MAOA: variants seen among roughly 807,000 people sequenced by gnomAD.
MAOA encodes amine oxidase [flavin-containing] A.
MAOA carries 6 observed loss-of-function variants against 42.0 expected under a neutral mutation model. The ratio of observed to expected loss-of-function variants is 0.14; its 90% CI spans 0.08 to 0.28. MAOA has a LOEUF of 0.28. Among genes scored for constraint, MAOA ranks in the 10% least tolerant of loss-of-function variants. The pLI, the probability that MAOA is intolerant of heterozygous loss-of-function variation, is 1.00. For synonymous variants in MAOA, 140 were observed against 154.0 expected (o/e 0.91, Z 0.67); for missense variants, 262 against 422.3 (o/e 0.62, Z 3.33).
At chrX:43,713,776 T>C (rs753958729) in intron 5 of MAOA, among the ~76,000 whole-genome samples, 2 of 111,972 alleles carry the variant, frequency 1.8e-5, no homozygotes, top group African/African-American at 6.5e-5. Context: ...CAGGAAGCAT[T>C]CTTTGATGAA....
intron 1 of MAOA, among the ~76,000 whole-genome samples, chrX:43,671,591 C>G (rs1488463099): frequency 9.6e-6 from 1 of 104,631 alleles, no homozygotes; most frequent in African/African-American, 3.5e-5. Context: ...ACGTTTAAGT[C>G]TTTAATCCAT....
chrX:43,680,484 A>G (rs962041425), intron 1 of MAOA, among the ~76,000 whole-genome samples: 18 of 111,466 alleles, frequency 1.6e-4, no homozygotes, highest in African/African-American at 5.9e-4. Flanking sequence ...CCTAAGTATC[A>G]GATACAGAGG....
rs2033360046 is a variant in MAOA at position 43,673,733 on chromosome X, A to C, written c.74-9780A>C. ...GTAGTCATTCAGGAGCAGGTTGTTC[A>C]GTTTCCATGTACTTGAGTGGTTTTG... On this transcript the variant is annotated intron_variant, in intron 1 of 14. Coordinates refer to ENST00000338702, the MANE Select transcript of MAOA (RefSeq NM_000240.4). 2.7e-5 allele frequency among the ~76,000 whole-genome samples: 3 copies of C among 111,779 alleles called. No homozygotes were observed. In the South Asian group the frequency reaches 1.1e-3, roughly 41 times the overall value.
At chrX:43,687,068 A>G (rs1165736403) in intron 2 of MAOA, among the ~76,000 whole-genome samples, 2 of 111,317 alleles carry the variant, frequency 1.8e-5, no homozygotes, top group Non-Finnish European at 3.8e-5. Context: ...AGTCAAATTA[A>G]TAAAGTTGAA....
chrX:43,736,664 CT>C (rs1388265222), intron 10 of MAOA, among the ~76,000 whole-genome samples: 4 of 111,776 alleles, frequency 3.6e-5, no homozygotes, highest in African/African-American at 1.3e-4. Context: ...CCTGTAGCAA[CT>C]TTTGTACATG....
intron 5 of MAOA, among the ~76,000 whole-genome samples, chrX:43,713,308 G>C (rs1308478593): frequency 9.0e-6 from 1 of 111,018 alleles, no homozygotes; most frequent in Non-Finnish European, 1.9e-5. Flanking sequence ...GCAGGGAGGG[G>C]AACAACACAC....
At chrX:43,713,915 A>T (rs1381163612) in intron 5 of MAOA, among the ~76,000 whole-genome samples, 1 of 111,343 alleles carries the variant, frequency 9.0e-6, no homozygotes, top group Non-Finnish European at 1.9e-5. Context: ...CAGGGACAGG[A>T]GAGAGAAAGG....
intron 5 of MAOA, among the ~76,000 whole-genome samples, chrX:43,724,608 C>A (rs1045698550): frequency 3.6e-5 from 4 of 110,913 alleles, no homozygotes; most frequent in Non-Finnish European, 7.6e-5. Flanking sequence ...TTTTGTTGAT[C>A]TTTTCAAAAA....
chrX:43,711,230 GA>G (rs1321428654), intron 3 of MAOA, among the ~76,000 whole-genome samples: 2 of 111,596 alleles, frequency 1.8e-5, no homozygotes, highest in East Asian at 5.6e-4. Context: ...CAGCTATACA[GA>G]AAAGAAGAGA....
At chrX:43,678,722 G>A (rs1326596187) in intron 1 of MAOA, among the ~76,000 whole-genome samples, 1 of 111,912 alleles carries the variant, frequency 8.9e-6, no homozygotes, top group Non-Finnish European at 1.9e-5. Context: ...ACATCTTAAA[G>A]TAGGAATAAT....
chrX:43,732,353 C>T (rs936782915), intron 8 of MAOA, among the ~76,000 whole-genome samples: 1 of 111,484 alleles, frequency 9.0e-6, no homozygotes, highest in African/African-American at 3.3e-5. Flanking sequence ...TCATCGGATT[C>T]CCTCCTCCCA....
At chrX:43,728,603 A>G (rs530401285) in intron 6 of MAOA, among the ~76,000 whole-genome samples, 1 of 112,355 alleles carries the variant, frequency 8.9e-6, no homozygotes, top group Admixed American at 9.4e-5. Flanking sequence ...GGAGAAGCTA[A>G]ATTCCTAAAA....
chrX:43,712,657 A>T (rs1352566079), intron 4 of MAOA, 48 bp from the exon 5 acceptor site: 3 of 839,292 alleles, frequency 3.6e-6, no homozygotes, highest in Non-Finnish European at 3.6e-6. Context: ...TCCCGAGAAG[A>T]GGTGGCAGTT....
chrX:43,723,064 AG>A (rs1326048786), intron 5 of MAOA, among the ~76,000 whole-genome samples: 3 of 111,754 alleles, frequency 2.7e-5, no homozygotes, highest in Non-Finnish European at 3.8e-5. Context: ...TTTTGGTACC[AG>A]TACCATGCTG....
At chrX:43,737,981 T>C (rs915870276) in intron 10 of MAOA, among the ~76,000 whole-genome samples, 1 of 112,204 alleles carries the variant, frequency 8.9e-6, no homozygotes, top group African/African-American at 3.2e-5. Flanking sequence ...GCAAAACCCT[T>C]ACTAAATATG....
intron 3 of MAOA, among the ~76,000 whole-genome samples, chrX:43,707,725 A>G (rs1044168458): frequency 8.9e-6 from 1 of 112,239 alleles, no homozygotes; most frequent in African/African-American, 3.2e-5. Context: ...TCACAAAACA[A>G]TGGGACTAGA....
At chrX:43,742,214 A>G (rs2033965523) in intron 12 of MAOA, among the ~76,000 whole-genome samples, 167 bp downstream of exon 12, 2 of 112,889 alleles carry the variant, frequency 1.8e-5, no homozygotes, top group Admixed American at 9.4e-5. Flanking sequence ...GGATGTCATT[A>G]CATAGAACAA....
chrX:43,704,300 A>T (rs2033644517), intron 3 of MAOA, among the ~76,000 whole-genome samples: 1 of 111,843 alleles, frequency 8.9e-6, no homozygotes, highest in Non-Finnish European at 1.9e-5. Flanking sequence ...ACTAAGTAGG[A>T]TTTATTCCAG....
chrX:43,704,359 A>G (rs1419907262), intron 3 of MAOA, among the ~76,000 whole-genome samples: 1 of 111,963 alleles, frequency 8.9e-6, no homozygotes, highest in Non-Finnish European at 1.9e-5. Context: ...GTAATGCACC[A>G]CCATATTAAT....
Sources: allele counts gnomAD v4.1 joint callset (sites outside exome capture counted in the v4.1 genomes callset), GRCh38; gene constraint gnomAD v4.1.1; transcripts MANE v1.5; gene names NCBI Gene and HGNC (gene_info 2026-07-23, HGNC 2026-07-21).